CNTNAP2: variants seen among roughly 807,000 people sequenced by gnomAD.
CNTNAP2 encodes contactin associated protein 2, also known as contactin-associated protein-like 2.
In CNTNAP2, 98 loss-of-function variants were observed where a neutral mutation model predicts 155.2. The ratio of observed to expected loss-of-function variants is 0.63; its 90% CI spans 0.54 to 0.75. The LOEUF is 0.75. Among genes scored for constraint, CNTNAP2 ranks in the 30% least tolerant of loss-of-function variants. The probability of loss-of-function intolerance (pLI) is 0.00; values close to 1 mark genes in which losing one functional copy is unlikely to be tolerated. For synonymous variants in CNTNAP2, 651 were observed against 631.2 expected (o/e 1.03, Z -0.47); for missense variants, 1,727 against 1,688.1 (o/e 1.02, Z -0.40).
intron 1 of CNTNAP2, among the ~76,000 whole-genome samples, chr7:146,760,961 G>T (rs1477210498): frequency 6.6e-6 from 1 of 152,170 alleles, no homozygotes; most frequent in East Asian, 1.9e-4. Flanking sequence ...AAGATACCTA[G>T]ATTCAAACAT....
chr7:146,311,635 AAGAC>A (rs1471999786), intron 1 of CNTNAP2: 4 of 149,222 alleles, frequency 2.7e-5, no homozygotes, highest in East Asian at 3.9e-4. Flanking sequence ...AAAAGAAAGA[AAGAC>A]AGAAATTAGG....
intron 1 of CNTNAP2, among the ~76,000 whole-genome samples, chr7:146,181,808 ATGGAAAC>A (rs1309155470): frequency 6.6e-6 from 1 of 152,190 alleles, no homozygotes; most frequent in Non-Finnish European, 1.5e-5. Context: ...ATATAATAAA[ATGGAAAC>A]TGTTCAGGCC....
At chr7:147,083,156 G>A (rs10261458) in intron 4 of CNTNAP2, 82,190 of 151,740 alleles carry the variant, frequency 0.54, 25,362 homozygotes, top group East Asian at 0.73. Context: ...AAAGAGAGTC[G>A]CTTCCCTTGA....
intron 8 of CNTNAP2, among the ~76,000 whole-genome samples, chr7:147,193,743 T>G (rs1802725860): frequency 6.6e-6 from 1 of 152,070 alleles, no homozygotes. Context: ...GAATACCAGT[T>G]GCAAAGCAGG....
At chr7:146,430,615 C>G (rs1301594938) in intron 1 of CNTNAP2, among the ~76,000 whole-genome samples, 1 of 151,956 alleles carries the variant, frequency 6.6e-6, no homozygotes, top group Non-Finnish European at 1.5e-5. Context: ...CTGGCTGCAC[C>G]TCAATTCTTC....
In CNTNAP2 at chr7:146,528,806, TAA is replaced by T. The variant is rs1458609865; in HGVS notation, c.98-245459_98-245458del. The stretch of plus-strand genomic sequence containing the variant: ...CATATGAGAACTGGAGGGTGAAGAT[TAA>T]AAAAAGAGAGAGAGACAGTGATATG... On this transcript the variant is annotated intron_variant, in intron 1 of 23. Transcript: ENST00000361727. Among the ~76,000 whole-genome samples, 16 of 151,948 alleles carry T rather than the reference TAA, an allele frequency of 1.1e-4. No homozygotes were observed. In the South Asian group the frequency reaches 3.3e-3, roughly 32 times the overall value.
intron 4 of CNTNAP2, among the ~76,000 whole-genome samples, chr7:147,058,764 G>A (rs938551170): frequency 8.5e-5 from 13 of 152,126 alleles, no homozygotes; most frequent in Middle Eastern, 3.4e-3. Context: ...GTGCCACCAC[G>A]CCCAGCTAAT....
chr7:147,132,224 G>A (rs1008383932), intron 7 of CNTNAP2, 21 bp from the exon 8 acceptor site: 2 of 1,613,254 alleles, frequency 1.2e-6, no homozygotes, highest in Non-Finnish European at 1.7e-6. Context: ...TTTCCTCAGA[G>A]CCTGTCTTTC....
chr7:148,346,983 G>A (rs1015009574), intron 21 of CNTNAP2, among the ~76,000 whole-genome samples: 7 of 151,942 alleles, frequency 4.6e-5, no homozygotes, highest in Non-Finnish European at 8.8e-5. Flanking sequence ...CTGGCCAGGC[G>A]CAGTGGCTCA....
chr7:146,630,811 G>A (rs1039229714), intron 1 of CNTNAP2, among the ~76,000 whole-genome samples: 1 of 151,976 alleles, frequency 6.6e-6, no homozygotes, highest in Non-Finnish European at 1.5e-5. Flanking sequence ...GATCACAATT[G>A]CTACAAAGAG....
intron 2 of CNTNAP2, among the ~76,000 whole-genome samples, chr7:146,817,200 G>A (rs771580462): frequency 4.6e-5 from 7 of 152,028 alleles, no homozygotes; most frequent in Non-Finnish European, 1.0e-4. Flanking sequence ...GGCCAGGTGC[G>A]GTGACTCACC....
chr7:147,440,116 T>G (rs1287540946), intron 10 of CNTNAP2, among the ~76,000 whole-genome samples: 2 of 152,060 alleles, frequency 1.3e-5, no homozygotes, highest in Non-Finnish European at 2.9e-5. Flanking sequence ...CTTTCTTTTT[T>G]GTTGTTGTTT....
At chr7:147,404,453 C>T (rs895901316) in intron 10 of CNTNAP2, among the ~76,000 whole-genome samples, 2 of 152,126 alleles carry the variant, frequency 1.3e-5, no homozygotes, top group Admixed American at 1.3e-4. Flanking sequence ...CAGGTAGATA[C>T]GTTCATCTTG....
intron 9 of CNTNAP2, among the ~76,000 whole-genome samples, chr7:147,366,781 G>GCACACACA (rs71182194): frequency 9.1e-4 from 96 of 105,962 alleles, no homozygotes; most frequent in African/African-American, 1.7e-3. Context: ...TTTGTTGCAC[G>GCACACACA]CACACACACA....
At chr7:148,143,187 A>T (rs1258628795) in intron 16 of CNTNAP2, among the ~76,000 whole-genome samples, 1 of 152,222 alleles carries the variant, frequency 6.6e-6, no homozygotes, top group Non-Finnish European at 1.5e-5. Flanking sequence ...TGGACACAGG[A>T]ACTTTTGGGA....
intron 9 of CNTNAP2, among the ~76,000 whole-genome samples, chr7:147,314,900 A>T (rs1463069415): frequency 1.3e-5 from 2 of 151,134 alleles, no homozygotes; most frequent in Admixed American, 1.3e-4. Context: ...TAGGGTGGAA[A>T]TGCAAGCTAT....
chr7:148,030,312 G>A (rs1182855802), intron 15 of CNTNAP2, among the ~76,000 whole-genome samples: 1 of 152,172 alleles, frequency 6.6e-6, no homozygotes, highest in Non-Finnish European at 1.5e-5. Context: ...ATATTGTATT[G>A]TTGCATGGGG....
At chr7:146,993,834 T>C (rs7800935) in intron 3 of CNTNAP2, among the ~76,000 whole-genome samples, 95,470 of 151,958 alleles carry the variant, frequency 0.63, 30,662 homozygotes, top group East Asian at 0.95. Flanking sequence ...TCTTGAGCAT[T>C]GCAAATTAGT....
chr7:147,063,779 T>C (rs1799728230), intron 4 of CNTNAP2, among the ~76,000 whole-genome samples: 1 of 152,078 alleles, frequency 6.6e-6, no homozygotes, highest in Non-Finnish European at 1.5e-5. Context: ...TATATAAAAT[T>C]AAAACCATAG....
Sources: allele counts gnomAD v4.1 joint callset (sites outside exome capture counted in the v4.1 genomes callset), GRCh38; gene constraint gnomAD v4.1.1; transcripts MANE v1.5; gene names NCBI Gene and HGNC (gene_info 2026-07-23, HGNC 2026-07-21).